The following LEKR1 variants were observed in gnomAD, a reference collection of about 807,000 sequenced individuals.
LEKR1 encodes protein LEKR1.
A neutral mutation model predicts 72.4 loss-of-function variants in LEKR1; 59 were observed. That is an observed-to-expected ratio of 0.82 (90% CI 0.66 to 1.01). The LOEUF is 1.01. Among genes scored for constraint, LEKR1 ranks in the 50% least tolerant of loss-of-function variants. The probability of loss-of-function intolerance (pLI) is 0.00; values close to 1 mark genes in which losing one functional copy is unlikely to be tolerated. For missense variants in LEKR1, 728 were observed against 759.2 expected, an observed-to-expected ratio of 0.96 and a Z score of 0.48; for synonymous variants, 257 against 263.2, an observed-to-expected ratio of 0.98 and a Z score of 0.23.
At chr3:157,011,612 A>G (rs2108023132) in intron 10 of LEKR1, 106 bp downstream of exon 10, 1 of 752,316 alleles carries the variant, frequency 1.3e-6, no homozygotes, top group African/African-American at 1.8e-5. Flanking sequence ...TTCTATGCAC[A>G]CTTTAGATTC....
At chr3:156,876,559 T>G (rs1718606005) in intron 3 of LEKR1, among the ~76,000 whole-genome samples, 1 of 152,238 alleles carries the variant, frequency 6.6e-6, no homozygotes, top group Non-Finnish European at 1.5e-5. Flanking sequence ...GGTATATTCC[T>G]AAGTATTATA....
Position 157,018,244 on chromosome 3 carries a change from CCAGA to C in LEKR1, c.1204-6513_1204-6510del, listed in dbSNP as rs577425558. ...CTCTCAATAATTGATAGAAAAATAG[CCAGA>C]CAATCAGTAAGGATTTATACAATGG... is the stretch of plus-strand genomic sequence containing the variant. On this transcript the variant is annotated intron_variant, in intron 10 of 12. Coordinates refer to ENST00000356539, the MANE Select transcript of LEKR1 (RefSeq NM_001004316.3). 3.9e-3 allele frequency among the ~76,000 whole-genome samples: 600 copies of C among 151,990 alleles called. 5 individuals are homozygous for C. Among genetic ancestry groups the C allele is most frequent in the Non-Finnish European group, 6.5e-3 (440 of 67,960 alleles).
chr3:156,906,494 A>C (rs937751706), intron 3 of LEKR1, among the ~76,000 whole-genome samples: 1 of 152,190 alleles, frequency 6.6e-6, no homozygotes, highest in Non-Finnish European at 1.5e-5. Flanking sequence ...CTCTGAGTAG[A>C]CAACATTATG....
intron 9 of LEKR1, among the ~76,000 whole-genome samples, chr3:156,996,020 T>C (rs1436558107): frequency 6.6e-6 from 1 of 152,068 alleles, no homozygotes; most frequent in Non-Finnish European, 1.5e-5. Context: ...ATTTGTTGCA[T>C]GAGTGAATGA....
At chr3:156,855,605 A>C (rs1245837072) in intron 3 of LEKR1, among the ~76,000 whole-genome samples, 1 of 152,126 alleles carries the variant, frequency 6.6e-6, no homozygotes, top group Non-Finnish European at 1.5e-5. Flanking sequence ...TCTTTTAAAA[A>C]TTTTAATAAT....
intron 3 of LEKR1, among the ~76,000 whole-genome samples, chr3:156,899,493 CACATAT>C: frequency 8.9e-6 from 1 of 112,904 alleles, no homozygotes; most frequent in Non-Finnish European, 1.8e-5. Context: ...TACATATATA[CACATAT>C]ATACATGTAT....
At chr3:157,006,756 A>G (rs1732469373) in intron 9 of LEKR1, among the ~76,000 whole-genome samples, 1 of 152,262 alleles carries the variant, frequency 6.6e-6, no homozygotes, top group Admixed American at 6.5e-5. Flanking sequence ...GACCAAAAAA[A>G]GAATATACTG....
At chr3:157,043,736 T>A (rs988693664) in intron 12 of LEKR1, among the ~76,000 whole-genome samples, 1 of 152,224 alleles carries the variant, frequency 6.6e-6, no homozygotes, top group Admixed American at 6.5e-5. Context: ...TTTCCACAAC[T>A]GTTTCCACTA....
intron 6 of LEKR1, among the ~76,000 whole-genome samples, chr3:156,953,500 C>T (rs1203823433): frequency 6.6e-6 from 1 of 151,658 alleles, no homozygotes; most frequent in Non-Finnish European, 1.5e-5. Context: ...TGAAGCTCTT[C>T]CTCCCTTCAA....
intron 7 of LEKR1, chr3:156,987,978 TTTTCTC>T (rs1190275366): frequency 6.6e-6 from 1 of 152,204 alleles, no homozygotes; most frequent in Non-Finnish European, 1.5e-5. Context: ...GGAAACCCTG[TTTTCTC>T]TTTCCATCTG....
intron 6 of LEKR1, among the ~76,000 whole-genome samples, chr3:156,959,616 C>T (rs1005434018): frequency 6.6e-6 from 1 of 152,080 alleles, no homozygotes; most frequent in Non-Finnish European, 1.5e-5. Flanking sequence ...CTGAATATTG[C>T]AATCCCTTCA....
chr3:156,900,283 T>TA (rs1721890801), intron 3 of LEKR1, among the ~76,000 whole-genome samples: 1 of 152,134 alleles, frequency 6.6e-6, no homozygotes, highest in Admixed American at 6.6e-5. Context: ...TTTGTGCTTA[T>TA]AAAAAACAAC....
At chr3:156,998,546 A>T (rs1271696541) in intron 9 of LEKR1, among the ~76,000 whole-genome samples, 1 of 152,228 alleles carries the variant, frequency 6.6e-6, no homozygotes, top group Admixed American at 6.5e-5. Context: ...ATTTGCCCAT[A>T]ACATGATGGG....
intron 6 of LEKR1, among the ~76,000 whole-genome samples, chr3:156,966,493 G>A (rs1456408932): frequency 6.6e-6 from 1 of 152,220 alleles, no homozygotes; most frequent in Non-Finnish European, 1.5e-5. Context: ...CCCGCACCGG[G>A]CGTGGAGGGT....
chr3:156,929,507 C>T (rs960449060), intron 5 of LEKR1, among the ~76,000 whole-genome samples: 15 of 152,074 alleles, frequency 9.9e-5, no homozygotes, highest in African/African-American at 2.9e-4. Flanking sequence ...GCATTAAGTT[C>T]GTAGGCACAC....
At chr3:156,873,298 T>G (rs1384219937) in intron 3 of LEKR1, among the ~76,000 whole-genome samples, 1 of 152,094 alleles carries the variant, frequency 6.6e-6, no homozygotes, top group African/African-American at 2.4e-5. Flanking sequence ...CTTTTCATTC[T>G]ATATGTCTTT....
intron 3 of LEKR1, among the ~76,000 whole-genome samples, chr3:156,871,225 C>A (rs561412714): frequency 1.3e-5 from 2 of 151,672 alleles, no homozygotes; most frequent in East Asian, 3.9e-4. Context: ...TTTGTTCTTG[C>A]GATAGTTTAC....
intron 5 of LEKR1, among the ~76,000 whole-genome samples, chr3:156,930,364 G>C (rs1725106241): frequency 6.6e-6 from 1 of 151,862 alleles, no homozygotes; most frequent in Non-Finnish European, 1.5e-5. Flanking sequence ...AAACTCACAT[G>C]CTTATTTAAA....
In LEKR1 at chr3:157,024,781, G is replaced by A; in HGVS notation, c.1225G>A (p.Glu409Lys). The A allele has an allele frequency of 6.2e-7, 1 of 1,606,824 alleles. No individual in the cohort carries two copies. Among genetic ancestry groups the A allele is most frequent in the Middle Eastern group, 1.7e-4 (1 of 6,036 alleles). Residue 409 changes from glutamate to lysine, a missense_variant, in exon 11 of 13, where the codon GAA becomes AAA. Transcript: ENST00000356539. Reference sequence around the variant, plus strand: ...CTAGATTGAAGCAGAACTTGCCAAGGAAAGGGCCCAACACTTGGTTGAATT... The same window carrying A: ...CTAGATTGAAGCAGAACTTGCCAAGAAAAGGGCCCAACACTTGGTTGAATT... Reference protein sequence around the residue: ...KEKIEAELAKERAQHLVEFEE... With the variant: ...KEKIEAELAKKRAQHLVEFEE...
Sources: gnomAD v4.1 joint callset for allele counts (sites outside exome capture counted in the v4.1 genomes callset) on GRCh38, gnomAD v4.1.1 for gene constraint, MANE v1.5 for transcripts, NCBI Gene and HGNC (gene_info 2026-07-23, HGNC 2026-07-21) for gene names.